DISP1: variants seen among roughly 807,000 people sequenced by gnomAD.
DISP1 encodes dispatched RND transporter family member 1, also known as protein dispatched homolog 1.
Under a neutral mutation model 37.3 loss-of-function variants are expected in DISP1, and 30 were observed. The observed-to-expected ratio is 0.80, with a 90% CI of 0.60 to 1.09. DISP1 has a LOEUF of 1.09. Among genes scored for constraint, DISP1 ranks in the 50% least tolerant of loss-of-function variants. The probability of loss-of-function intolerance (pLI) is 0.00; values close to 1 mark genes in which losing one functional copy is unlikely to be tolerated. For missense variants in DISP1, 1,598 were observed against 1,879.5 expected, an observed-to-expected ratio of 0.85 and a Z score of 2.77; for synonymous variants, 634 against 690.2, an observed-to-expected ratio of 0.92 and a Z score of 1.28.
At chr1:223,001,068 AG>A (rs1348760685) in intron 8 of DISP1, among the ~76,000 whole-genome samples, 6 of 152,176 alleles carry the variant, frequency 3.9e-5, no homozygotes, top group Non-Finnish European at 7.3e-5. Flanking sequence ...CTCAGAGAAG[AG>A]GGGCTACTCA....
intron 4 of DISP1, among the ~76,000 whole-genome samples, chr1:222,985,046 A>G (rs1678170249): frequency 6.6e-6 from 1 of 152,198 alleles, no homozygotes; most frequent in South Asian, 2.1e-4. Flanking sequence ...CATTTTTGCA[A>G]AAAAACAAGA....
chr1:222,942,803 T>A lies in DISP1; in HGVS notation c.-17-4T>A. On this transcript the variant is annotated splice_polypyrimidine_tract_variant and splice_region_variant and intron_variant, in intron 2 of 8. Transcript: ENST00000675850. ...CTGGGCGATTTTATGATTTTCTTACTTAGAGTCAAGAAATTGGAGCATGGC... is the reference window on the plus strand; with the variant it reads ...CTGGGCGATTTTATGATTTTCTTACATAGAGTCAAGAAATTGGAGCATGGC... 6.2e-7 allele frequency: 1 copy of A among 1,614,128 alleles called. No individual in the cohort carries two copies. Among genetic ancestry groups the A allele is most frequent in the Non-Finnish European group, 8.5e-7 (1 of 1,180,026 alleles).
chr1:222,873,205 AT>A (rs1285164260), intron 1 of DISP1, among the ~76,000 whole-genome samples: 1 of 152,114 alleles, frequency 6.6e-6, no homozygotes, highest in African/African-American at 2.4e-5. Flanking sequence ...TATGTGGTCA[AT>A]TTTGGAATAG....
chr1:222,953,690 A>G (rs1384914934), intron 3 of DISP1, among the ~76,000 whole-genome samples: 1 of 152,230 alleles, frequency 6.6e-6, no homozygotes, highest in Non-Finnish European at 1.5e-5. Flanking sequence ...CTTTTTAAAA[A>G]GGGATAATGT....
intron 3 of DISP1, among the ~76,000 whole-genome samples, chr1:222,951,620 A>G (rs572559858): frequency 6.6e-6 from 1 of 152,344 alleles, no homozygotes; most frequent in African/African-American, 2.4e-5. Flanking sequence ...GATCACCCAG[A>G]GTCCATTCAA....
chr1:223,000,347 CTGT>C (rs1343367147), intron 8 of DISP1, among the ~76,000 whole-genome samples: 1 of 152,112 alleles, frequency 6.6e-6, no homozygotes, highest in Non-Finnish European at 1.5e-5. Flanking sequence ...CCAGGGTTTC[CTGT>C]TGTTGGGTGG....
chr1:222,914,982 A>AAAGG (rs1046268719), intron 1 of DISP1, among the ~76,000 whole-genome samples: 3 of 152,202 alleles, frequency 2.0e-5, no homozygotes, highest in African/African-American at 7.2e-5. Context: ...CATTCATTAA[A>AAAGG]AAGGAAGGAA....
At chr1:222,985,279 T>C (rs1241133377) in intron 4 of DISP1, among the ~76,000 whole-genome samples, 1 of 152,218 alleles carries the variant, frequency 6.6e-6, no homozygotes, top group Non-Finnish European at 1.5e-5. Flanking sequence ...CTTTCCTGAT[T>C]CCCCTTTCCC....
chr1:222,937,246 C>T (rs1372297433), intron 2 of DISP1, among the ~76,000 whole-genome samples: 3 of 150,918 alleles, frequency 2.0e-5, no homozygotes, highest in Non-Finnish European at 2.9e-5. Context: ...CCCGCCACCA[C>T]GCTCGGCTAA....
intron 7 of DISP1, among the ~76,000 whole-genome samples, chr1:222,994,423 C>T (rs1271463076): frequency 6.6e-6 from 1 of 152,144 alleles, no homozygotes; most frequent in African/African-American, 2.4e-5. Flanking sequence ...ACTTAGTTGG[C>T]TGTTTTTAGC....
intron 1 of DISP1, among the ~76,000 whole-genome samples, chr1:222,868,530 C>T (rs1189668116): frequency 1.3e-5 from 2 of 151,986 alleles, no homozygotes; most frequent in African/African-American, 4.8e-5. Context: ...ACTTTTTCTT[C>T]ATTTATTGTT....
intron 2 of DISP1, among the ~76,000 whole-genome samples, chr1:222,937,422 C>T (rs1004105506): frequency 3.3e-5 from 5 of 152,088 alleles, no homozygotes; most frequent in Non-Finnish European, 7.4e-5. Flanking sequence ...AATTTACTTG[C>T]GTTATGTATT....
At chr1:222,929,494 A>G (rs1279033943) in intron 2 of DISP1, among the ~76,000 whole-genome samples, 1 of 152,188 alleles carries the variant, frequency 6.6e-6, no homozygotes, top group African/African-American at 2.4e-5. Flanking sequence ...AATTTGTTAA[A>G]AAAATTTTAC....
At chr1:222,975,591 G>A (rs1271658763) in intron 3 of DISP1, among the ~76,000 whole-genome samples, 1 of 151,436 alleles carries the variant, frequency 6.6e-6, no homozygotes, top group Non-Finnish European at 1.5e-5. Context: ...AATTTCCCTT[G>A]CCTCTGTACC....
intron 1 of DISP1, among the ~76,000 whole-genome samples, chr1:222,820,426 A>G (rs959687108): frequency 2.0e-5 from 3 of 152,158 alleles, no homozygotes; most frequent in African/African-American, 7.2e-5. Flanking sequence ...TAGGGAACAC[A>G]TGGACCAAGA....
chr1:222,831,912 T>C (rs1665855154), intron 1 of DISP1, among the ~76,000 whole-genome samples: 1 of 152,202 alleles, frequency 6.6e-6, no homozygotes, highest in Admixed American at 6.5e-5. Context: ...TGATTGGTCA[T>C]CTATTCATTT....
At chr1:222,864,636 C>T (rs1446881985) in intron 1 of DISP1, among the ~76,000 whole-genome samples, 1 of 152,044 alleles carries the variant, frequency 6.6e-6, no homozygotes, top group Non-Finnish European at 1.5e-5. Flanking sequence ...ATATGGGCAA[C>T]ATCATTGAAA....
At chr1:222,888,852 G>A (rs1670786532) in intron 1 of DISP1, among the ~76,000 whole-genome samples, 1 of 151,958 alleles carries the variant, frequency 6.6e-6, no homozygotes, top group African/African-American at 2.4e-5. Context: ...GAAAGGCTGT[G>A]AAGAGATTTC....
intron 1 of DISP1, among the ~76,000 whole-genome samples, chr1:222,881,619 A>G (rs1439068348): frequency 6.6e-6 from 1 of 152,152 alleles, no homozygotes; most frequent in Non-Finnish European, 1.5e-5. Context: ...TTACATTGTG[A>G]GGTAAGAGCC....
Sources: gnomAD v4.1 joint callset for allele counts (sites outside exome capture counted in the v4.1 genomes callset) on GRCh38, gnomAD v4.1.1 for gene constraint, MANE v1.5 for transcripts, NCBI Gene and HGNC (gene_info 2026-07-23, HGNC 2026-07-21) for gene names.